BLNK: variants seen among roughly 807,000 people sequenced by gnomAD.
BLNK encodes the protein B-cell linker protein.
In BLNK, 29 loss-of-function variants were observed where a neutral mutation model predicts 73.5. The observed-to-expected ratio is 0.39, with a 90% CI of 0.29 to 0.54. The LOEUF is 0.54. Ranked by LOEUF, BLNK falls within the 20% of genes least tolerant of loss-of-function variation. BLNK has a pLI of 0.61. For missense variants in BLNK, 460 were observed against 562.8 expected, an observed-to-expected ratio of 0.82 and a Z score of 1.85; for synonymous variants, 176 against 200.8, an observed-to-expected ratio of 0.88 and a Z score of 1.04.
intron 1 of BLNK, among the ~76,000 whole-genome samples, chr10:96,260,495 A>G (rs1554912460): frequency 6.6e-6 from 1 of 152,224 alleles, no homozygotes; most frequent in African/African-American, 2.4e-5. Context: ...GTGTCTTAAG[A>G]ATTTGAATAT....
chr10:96,250,352 G>T (rs1018496347), intron 1 of BLNK, among the ~76,000 whole-genome samples: 1 of 151,514 alleles, frequency 6.6e-6, no homozygotes, highest in Non-Finnish European at 1.5e-5. Flanking sequence ...GAGGAAAGAA[G>T]AAAATGAAAA....
chr10:96,224,068 A>T (rs1240395451), intron 5 of BLNK, 79 bp from the exon 6 acceptor site: 3 of 1,552,318 alleles, frequency 1.9e-6, no homozygotes, highest in Non-Finnish European at 2.7e-6. Context: ...GAGATCCAGA[A>T]AGTATAAAAC....
intron 1 of BLNK, among the ~76,000 whole-genome samples, chr10:96,247,604 T>C (rs1339204672): frequency 6.6e-6 from 1 of 152,176 alleles, no homozygotes; most frequent in Non-Finnish European, 1.5e-5. Context: ...ACTGACTTCC[T>C]AGAACTGAAT....
chr10:96,269,640 G>T (rs1323218029), intron 1 of BLNK, among the ~76,000 whole-genome samples: 1 of 151,900 alleles, frequency 6.6e-6, no homozygotes. Flanking sequence ...ATCCTACCAG[G>T]CTCCTTTAAG....
intron 3 of BLNK, chr10:96,238,849 A>G: frequency 9.4e-6 from 3 of 317,886 alleles, no homozygotes; most frequent in Non-Finnish European, 1.1e-5. Context: ...AATAAAATCT[A>G]CGTGTCTTTC....
rs782636531 is a variant in BLNK at position 96,242,739 on chromosome 10, A to G, written c.159T>C (p.Ala53=). The change falls in exon 3 of 17, where the codon GCT becomes GCC. Residue 53 remains alanine, a synonymous_variant. Transcript: ENST00000224337. The part of the protein sequence containing the change: ...APPSVPRRDY[A]SESPADEEEQ... Reference sequence around the variant, plus strand: ...AGTATCTGAGAAATACCTTACCTGAAGCGTAGTCCCTTCGAGGAACACTTG... The same window carrying G: ...AGTATCTGAGAAATACCTTACCTGAGGCGTAGTCCCTTCGAGGAACACTTG... The G allele has an allele frequency of 3.7e-6, 6 of 1,613,794 alleles. No homozygotes were observed. The highest frequency in any genetic ancestry group is 1.3e-5 in the African/African-American group (1 of 74,936).
At position 96,196,459 on chromosome 10, in the gene BLNK, C is replaced by T. The variant is rs367850807; in HGVS notation, c.1251+449G>A. Among the ~76,000 whole-genome samples the T allele has an allele frequency of 5.6e-4, 86 of 152,272 alleles. No homozygotes were observed. The South Asian group carries it at 0.017, about 30-fold the overall frequency. On this transcript the variant is annotated intron_variant, in intron 16 of 16. Coordinates refer to ENST00000224337, the MANE Select transcript of BLNK (RefSeq NM_013314.4). ...CCAGGCCCATAAGCTCATTCTGGTA[C>T]AAGGGCTATAGTCTAATGTTTTAAC...
intron 11 of BLNK, 42 bp downstream of exon 11, chr10:96,206,969 C>CT: frequency 6.3e-7 from 1 of 1,589,316 alleles, no homozygotes; most frequent in Non-Finnish European, 8.6e-7. Flanking sequence ...AATAAAATAA[C>CT]TTTTAGAGGA....
Position 96,271,488 on chromosome 10 carries a change from CT to C in BLNK, c.-91del. 1.4e-6 allele frequency: 2 copies of C among 1,398,972 alleles called. No individual in the cohort carries two copies. Among genetic ancestry groups the C allele is most frequent in the South Asian group, 2.3e-5 (2 of 86,572 alleles). The allele number at this position is 1,398,972 out of a possible 1,614,324, so 86.7% of individuals were successfully genotyped here. On this transcript the variant is annotated 5_prime_UTR_variant, in exon 1 of 17. Transcript: ENST00000224337. ...TCCTAGGGAGCAGCATGGTAAGCCT[CT>C]GGTCTCAAGGGTTCCGGCCACTCAA...
Position 96,204,632 on chromosome 10 carries a change from TATC to T in BLNK, c.818-19_818-17del. ...ATAGGTTTTTCTGGATCAGGAAAAT[TATC>T]ATATTAGGATTAGAGTGAAATGTCT... On this transcript the variant is annotated splice_polypyrimidine_tract_variant and intron_variant, in intron 11 of 16. Coordinates refer to ENST00000224337, the MANE Select transcript of BLNK (RefSeq NM_013314.4). 3.1e-6 allele frequency: 5 copies of T among 1,612,682 alleles called. No individual in the cohort carries two copies. Among genetic ancestry groups the T allele is most frequent in the Non-Finnish European group, 4.2e-6 (5 of 1,178,778 alleles).
rs1843069030 is a variant in BLNK, at chr10:96,246,998, C to A, written c.99G>T (p.Met33Ile). The change falls in exon 2 of 17, where the codon ATG becomes ATT. Residue 33 changes from methionine to isoleucine, a missense_variant. Met to Ile is a conservative substitution (Grantham distance 10, BLOSUM62 1). Around this residue, in one of 3 missense-constraint regions of BLNK, gnomAD observed 139 missense variants for 187.3 expected, o/e 0.74. Coordinates refer to ENST00000224337, the MANE Select transcript of BLNK (RefSeq NM_013314.4). Reference protein sequence around the residue: ...HDIKNNEGGIMNKIKKLKVKA... With the variant: ...HDIKNNEGGIINKIKKLKVKA... Reference sequence around the variant, plus strand: ...GGCGAACTTACTTTTTGATTTTATTCATTATTCCACCTTCATTGTTTTTAA... The same window carrying A: ...GGCGAACTTACTTTTTGATTTTATTAATTATTCCACCTTCATTGTTTTTAA... 6.2e-7 allele frequency: 1 copy of A among 1,606,322 alleles called. No homozygotes were observed. Among genetic ancestry groups the A allele is most frequent in the East Asian group, 2.2e-5 (1 of 44,750 alleles).
intron 2 of BLNK, among the ~76,000 whole-genome samples, chr10:96,244,070 A>G (rs1842961915): frequency 6.6e-6 from 1 of 152,216 alleles, no homozygotes; most frequent in African/African-American, 2.4e-5. Context: ...TGTAATTTGC[A>G]AAAATAACAA....
At chr10:96,250,788 T>C (rs929946077) in intron 1 of BLNK, among the ~76,000 whole-genome samples, 1 of 152,268 alleles carries the variant, frequency 6.6e-6, no homozygotes, top group Non-Finnish European at 1.5e-5. Flanking sequence ...TCTTGGCATT[T>C]CCTAATTACT....
intron 15 of BLNK, among the ~76,000 whole-genome samples, chr10:96,197,328 A>G (rs1425343660): frequency 1.3e-5 from 2 of 152,104 alleles, no homozygotes; most frequent in Non-Finnish European, 2.9e-5. Context: ...ATTTTTAGAA[A>G]CAGTCTCACT....
At chr10:96,201,539 G>T (rs1283245042) in intron 13 of BLNK, among the ~76,000 whole-genome samples, 2 of 152,108 alleles carry the variant, frequency 1.3e-5, no homozygotes, top group Admixed American at 1.3e-4. Flanking sequence ...TGTTTTAAAT[G>T]TCTCAGTTTT....
At chr10:96,266,718 C>T (rs1844023257) in intron 1 of BLNK, among the ~76,000 whole-genome samples, 1 of 152,196 alleles carries the variant, frequency 6.6e-6, no homozygotes, top group Admixed American at 6.5e-5. Context: ...CTAATCTCCA[C>T]CACTAGATGC....
intron 3 of BLNK, 139 bp downstream of exon 3, chr10:96,242,596 A>G (rs1405056256): frequency 1.1e-6 from 1 of 870,616 alleles, no homozygotes; most frequent in Non-Finnish European, 1.9e-6. Flanking sequence ...TGCCTAATAG[A>G]TTTAGTCATT....
rs1482608895 is a variant in BLNK at position 96,199,423 on chromosome 10, C to G, written c.1095+652G>C. On this transcript the variant is annotated intron_variant, in intron 15 of 16. Coordinates refer to ENST00000224337, the MANE Select transcript of BLNK (RefSeq NM_013314.4). ...AATCCTGCACATTGATCCAAAATAG[C>G]CTGTCACTGTTCACTCCTCAGTGGA... is the stretch of plus-strand genomic sequence containing the variant. The G allele has an allele frequency of 4.1e-5, 17 of 411,956 alleles. No homozygotes were observed. In the East Asian group the frequency reaches 5.1e-4, roughly 12 times the overall value. 25.5% of individuals were successfully genotyped at this position (411,956 alleles called of 1,614,324 possible).
intron 15 of BLNK, among the ~76,000 whole-genome samples, chr10:96,197,319 T>C (rs1417937130): frequency 6.6e-6 from 1 of 152,168 alleles, no homozygotes; most frequent in African/African-American, 2.4e-5. Context: ...TAATTAATTA[T>C]TTTTAGAAAC....
Sources: gnomAD v4.1 joint callset for allele counts (sites outside exome capture counted in the v4.1 genomes callset) on GRCh38, gnomAD v4.1.1 for gene constraint, gnomAD v4.1.1 regional missense constraint, MANE v1.5 for transcripts, NCBI Gene and HGNC (gene_info 2026-07-23, HGNC 2026-07-21) for gene names.